Variants in VAPB observed in about 807,000 individuals in gnomAD.
VAPB encodes the protein VAMP associated protein B and C, also known as vesicle-associated membrane protein-associated protein B/C.
Under a neutral mutation model 25.6 loss-of-function variants are expected in VAPB, and 7 were observed. The ratio of observed to expected loss-of-function variants is 0.27; its 90% confidence interval spans 0.16 to 0.51. VAPB has a LOEUF of 0.51. Ranked by LOEUF, VAPB falls within the 20% of genes least tolerant of loss-of-function variation. The probability of loss-of-function intolerance (pLI) is 0.97; values close to 1 mark genes in which losing one functional copy is unlikely to be tolerated. For missense variants in VAPB, 266 were observed against 301.3 expected, an observed-to-expected ratio of 0.88 and a Z score of 0.87; for synonymous variants, 112 against 109.2, an observed-to-expected ratio of 1.03 and a Z score of -0.16.
intron 1 of VAPB, among the ~76,000 whole-genome samples, chr20:58,397,053 G>T (rs1031704266): frequency 6.6e-6 from 1 of 152,192 alleles, no homozygotes; most frequent in Non-Finnish European, 1.5e-5. Context: ...TAGCTGTCAG[G>T]ACAATTTCTT....
chr20:58,427,773 G>A (rs1302686062), intron 2 of VAPB, among the ~76,000 whole-genome samples: 2 of 152,098 alleles, frequency 1.3e-5, no homozygotes, highest in Non-Finnish European at 2.9e-5. Context: ...GCAGATGAAA[G>A]TGATCTGTGA....
intron 1 of VAPB, among the ~76,000 whole-genome samples, chr20:58,391,485 C>T (rs1291532396): frequency 2.0e-5 from 3 of 151,546 alleles, no homozygotes; most frequent in Non-Finnish European, 4.4e-5. Context: ...AAATTGCATG[C>T]ACAGAGGCAC....
chr20:58,434,176 A>T (rs929906029), intron 2 of VAPB, among the ~76,000 whole-genome samples: 1 of 152,268 alleles, frequency 6.6e-6, no homozygotes, highest in South Asian at 2.1e-4. Flanking sequence ...GAGAGAAGCT[A>T]CAACAGTTCC....
chr20:58,425,765 T>C (rs1272241081), intron 2 of VAPB, among the ~76,000 whole-genome samples: 1 of 152,304 alleles, frequency 6.6e-6, no homozygotes, highest in East Asian at 1.9e-4. Context: ...ACTGCAGCCC[T>C]GCTAACACAA....
intron 1 of VAPB, among the ~76,000 whole-genome samples, chr20:58,390,574 C>T (rs1441066612): frequency 6.6e-6 from 1 of 152,136 alleles, no homozygotes; most frequent in African/African-American, 2.4e-5. Context: ...CACACAAGAT[C>T]ATTGCAGATA....
In VAPB at chr20:58,446,601, C is replaced by G. The variant is rs1166433111; in HGVS notation, c.*2366C>G. ...AGGTGATTTAGAGTTTTGTGTACAT[C>G]TAGGAGAAGGTGTTCAGCTTCTCAG... On this transcript the variant is annotated 3_prime_UTR_variant, in exon 6 of 6. Coordinates refer to ENST00000475243, the MANE Select transcript of VAPB (RefSeq NM_004738.5). The G allele has an allele frequency of 4.4e-6, 2 of 454,054 alleles. No individual in the cohort carries two copies. The highest frequency in any genetic ancestry group is 8.8e-6 in the Non-Finnish European group (2 of 226,782). The allele number at this position is 454,054 out of a possible 1,614,324, so 28.1% of individuals were successfully genotyped here.
At chr20:58,394,891 T>G (rs1404187869) in intron 1 of VAPB, among the ~76,000 whole-genome samples, 1 of 152,228 alleles carries the variant, frequency 6.6e-6, no homozygotes, top group Admixed American at 6.5e-5. Flanking sequence ...ATAATTAGTC[T>G]GAATTGATGC....
chr20:58,442,022 A>AG (rs1989172629), intron 5 of VAPB, among the ~76,000 whole-genome samples: 1 of 152,164 alleles, frequency 6.6e-6, no homozygotes, highest in African/African-American at 2.4e-5. Context: ...GTGGGGAGGC[A>AG]GGGGGTGCTT....
intron 1 of VAPB, among the ~76,000 whole-genome samples, chr20:58,401,121 C>T (rs73179866): frequency 3.3e-5 from 5 of 152,278 alleles, no homozygotes; most frequent in Non-Finnish European, 5.9e-5. Flanking sequence ...ACCACTTGGT[C>T]GGCTCATTTG....
Position 58,418,384 on chromosome 20 carries a change from C to G in VAPB, c.211+21C>G, listed in dbSNP as rs751057565. The G allele has an allele frequency of 5.6e-6, 9 of 1,613,138 alleles. No individual in the cohort carries two copies. In the South Asian group the frequency reaches 8.8e-5, roughly 16 times the overall value. ...ATCTGGTAAGTCCTGAGACTGGAGG[C>G]CTAGAGGGTGGGCTCAGAAGGCCCC... On this transcript the variant is annotated intron_variant, in intron 2 of 5. Coordinates refer to ENST00000475243, the MANE Select transcript of VAPB (RefSeq NM_004738.5).
intron 2 of VAPB, among the ~76,000 whole-genome samples, chr20:58,419,350 C>G (rs568019880): frequency 1.3e-5 from 2 of 152,230 alleles, no homozygotes; most frequent in South Asian, 4.1e-4. Context: ...CATCTCGTCT[C>G]TCTCATTATG....
intron 1 of VAPB, among the ~76,000 whole-genome samples, chr20:58,416,712 C>A (rs1441857534): frequency 2.6e-5 from 4 of 151,878 alleles, no homozygotes; most frequent in Non-Finnish European, 5.9e-5. Flanking sequence ...CCTTCCTTAT[C>A]ACCATTTTGA....
chr20:58,389,240 G>C lies in VAPB; in HGVS notation c.-220G>C. ...GTGCGTGCGTGCGTGCGTGCCGTCA[G>C]CTCGCCGGGCACCGCGGCCTCGCCC... On this transcript the variant is annotated 5_prime_UTR_variant, in exon 1 of 6. Transcript: ENST00000475243. 1 of 651,820 alleles carries C rather than the reference G, an allele frequency of 1.5e-6. No homozygotes were observed. Among genetic ancestry groups the C allele is most frequent in the South Asian group, 1.5e-5 (1 of 64,788 alleles). The allele number at this position is 651,820 out of a possible 1,614,324, so 40.4% of individuals were successfully genotyped here. A position where few individuals can be genotyped will look rare whatever the true frequency, so the allele number is the denominator to read the frequency against.
intron 2 of VAPB, among the ~76,000 whole-genome samples, chr20:58,428,804 G>A (rs1471082504): frequency 6.6e-6 from 1 of 152,194 alleles, no homozygotes; most frequent in Non-Finnish European, 1.5e-5. Flanking sequence ...AATTGAATTT[G>A]ACATGAGATG....
At position 58,389,273 on chromosome 20, in the gene VAPB, C is replaced by T; in HGVS notation, c.-187C>T. 6 of 698,494 alleles carry T rather than the reference C, an allele frequency of 8.6e-6. No individual in the cohort carries two copies. The highest frequency in any genetic ancestry group is 2.9e-5 in the East Asian group (1 of 35,012). 43.3% of individuals were successfully genotyped at this position (698,494 alleles called of 1,614,324 possible). On this transcript the variant is annotated 5_prime_UTR_variant, in exon 1 of 6. Transcript: ENST00000475243. Reference sequence around the variant, plus strand: ...GGCACCGCGGCCTCGCCCTCGCCCTCCGCCCCTGCGCCTGCACCGCGTAGA... The same window carrying T: ...GGCACCGCGGCCTCGCCCTCGCCCTTCGCCCCTGCGCCTGCACCGCGTAGA...
At position 58,449,395 on chromosome 20, in the gene VAPB, C is replaced by T. The variant is rs1394472145; in HGVS notation, c.*5160C>T. On this transcript the variant is annotated 3_prime_UTR_variant, in exon 6 of 6. Transcript: ENST00000475243. The stretch of plus-strand genomic sequence containing the variant: ...TTATGGATGATAGTTAAAAGAGAAA[C>T]GGGTGGAGGTGGATGAGAGGTTGTC... The T allele has an allele frequency of 8.8e-6, 4 of 453,346 alleles. No individual in the cohort carries two copies. The highest frequency in any genetic ancestry group is 2.4e-5 in the Admixed American group (1 of 42,444). 28.1% of individuals were successfully genotyped at this position (453,346 alleles called of 1,614,324 possible).
At position 58,449,225 on chromosome 20, in the gene VAPB, GCTCACCCACCC is replaced by G. The variant is rs1989374438; in HGVS notation, c.*4993_*5003del. 2.2e-6 allele frequency: 1 copy of G among 454,010 alleles called. No homozygotes were observed. 28.1% of individuals were successfully genotyped at this position (454,010 alleles called of 1,614,324 possible). On this transcript the variant is annotated 3_prime_UTR_variant, in exon 6 of 6. Transcript: ENST00000475243. ...CTAGAACATTAGCTGAGCTGCACAA[GCTCACCCACCC>G]CTGTGCCAGGGGGCCCTGACCTCCC...
chr20:58,394,850 G>A (rs748906987), intron 1 of VAPB, among the ~76,000 whole-genome samples: 2 of 152,192 alleles, frequency 1.3e-5, no homozygotes, highest in Non-Finnish European at 2.9e-5. Context: ...AATTACCTGG[G>A]AGCTTTTCAT....
chr20:58,392,045 A>G (rs528206479), intron 1 of VAPB, among the ~76,000 whole-genome samples: 7 of 152,316 alleles, frequency 4.6e-5, no homozygotes, highest in Admixed American at 3.9e-4. Flanking sequence ...TCTGTTGTCT[A>G]ATATGTTATG....
Sources: allele counts gnomAD v4.1 joint callset (sites outside exome capture counted in the v4.1 genomes callset), GRCh38; gene constraint gnomAD v4.1.1; transcripts MANE v1.5; gene names NCBI Gene and HGNC (gene_info 2026-07-23, HGNC 2026-07-21).